Variants in PPP2R2C observed in about 807,000 individuals in gnomAD.
The protein encoded by PPP2R2C is protein phosphatase 2, regulatory subunit B, gamma.
In PPP2R2C, 10 loss-of-function variants were observed where a neutral mutation model predicts 45.3. The ratio of observed to expected loss-of-function variants is 0.22; its 90% CI spans 0.14 to 0.37. PPP2R2C has a LOEUF of 0.37. PPP2R2C is among the 10% of genes least tolerant of loss of function. The pLI is 1.00. For synonymous variants in PPP2R2C, 257 were observed against 245.4 expected (o/e 1.05, Z -0.44); for missense variants, 308 against 619.7 (o/e 0.50, Z 5.34).
At chr4:6,383,320 C>T in intron 1 of PPP2R2C, 1 of 1,283,684 alleles carries the variant, frequency 7.8e-7, no homozygotes, top group South Asian at 1.3e-5. Flanking sequence ...GCCCAGACCA[C>T]AGAATCGCAG....
At chr4:6,561,497 G>T (rs933948938) in intron 1 of PPP2R2C, among the ~76,000 whole-genome samples, 4 of 152,094 alleles carry the variant, frequency 2.6e-5, no homozygotes, top group African/African-American at 9.7e-5. Context: ...GGGAGGACTT[G>T]CACCTTTTAC....
intron 1 of PPP2R2C, among the ~76,000 whole-genome samples, chr4:6,549,649 C>T (rs924716453): frequency 6.6e-6 from 1 of 152,348 alleles, no homozygotes; most frequent in Middle Eastern, 3.4e-3. Flanking sequence ...TCTGATGACA[C>T]CTGCTGGCTG....
intron 1 of PPP2R2C, among the ~76,000 whole-genome samples, chr4:6,423,986 G>C (rs921077921): frequency 6.6e-6 from 1 of 152,252 alleles, no homozygotes; most frequent in Non-Finnish European, 1.5e-5. Context: ...CCACCTGGCT[G>C]TCCTGGGGCC....
chr4:6,511,429 A>AGG, intron 2 of PPP2R2C, among the ~76,000 whole-genome samples: 1 of 77,746 alleles, frequency 1.3e-5, no homozygotes, highest in East Asian at 3.7e-4. Context: ...GATGGTGGTG[A>AGG]TGGTGGTGGT....
chr4:6,384,425 A>G lies in PPP2R2C; in HGVS notation c.71-3331T>C, dbSNP rs887456341. 5 of 984,638 alleles carry G rather than the reference A, an allele frequency of 5.1e-6. No individual in the cohort carries two copies. In the South Asian group the frequency reaches 1.9e-4, roughly 37 times the overall value. 61.0% of individuals were successfully genotyped at this position (984,638 alleles called of 1,614,324 possible). ...GCTTTAGGGTAGCTGGAACAAAATA[A>G]TATTTCCTCCTCTTTCAACTTGTCC... On this transcript the variant is annotated intron_variant, in intron 1 of 8. Coordinates refer to ENST00000382599, the MANE Select transcript of PPP2R2C (RefSeq NM_020416.4).
chr4:6,375,262 G>A (rs777411037), intron 4 of PPP2R2C, among the ~76,000 whole-genome samples: 4 of 152,186 alleles, frequency 2.6e-5, no homozygotes, highest in Non-Finnish European at 4.4e-5. Flanking sequence ...TTCTTCTCAG[G>A]AAGAGCACTG....
At position 6,471,162 on chromosome 4, in the gene PPP2R2C, G is replaced by A. The variant is rs1279245345; in HGVS notation, c.70+998C>T. Among the ~76,000 whole-genome samples the A allele has an allele frequency of 6.6e-6, 1 of 152,182 alleles. No homozygotes were observed. Among genetic ancestry groups the A allele is most frequent in the Admixed American group, 6.5e-5 (1 of 15,290 alleles). ...CGTGCCCAGGGCCCCTCCCACTGGGGCACCCACCCGGGGAATCCGCGCACA... is the reference window on the plus strand; with the variant it reads ...CGTGCCCAGGGCCCCTCCCACTGGGACACCCACCCGGGGAATCCGCGCACA... On this transcript the variant is annotated intron_variant, in intron 1 of 8. Coordinates refer to ENST00000382599, the MANE Select transcript of PPP2R2C (RefSeq NM_020416.4). This position sits in a 1 kb window ranked among gnomAD's most constrained non-coding sequence, Gnocchi z 5.6.
chr4:6,335,909 G>A (rs889297681), intron 6 of PPP2R2C, among the ~76,000 whole-genome samples: 3 of 152,094 alleles, frequency 2.0e-5, no homozygotes, highest in African/African-American at 4.8e-5. Flanking sequence ...GCAGACCCCT[G>A]AAGCTCAGGA....
At chr4:6,362,673 G>C (rs1713897924) in intron 5 of PPP2R2C, among the ~76,000 whole-genome samples, 1 of 152,186 alleles carries the variant, frequency 6.6e-6, no homozygotes, top group Non-Finnish European at 1.5e-5. Flanking sequence ...TGCTGAGTTG[G>C]GACAGTGACA....
chr4:6,505,391 A>G (rs1246121740), intron 2 of PPP2R2C, among the ~76,000 whole-genome samples: 1 of 152,244 alleles, frequency 6.6e-6, no homozygotes, highest in Non-Finnish European at 1.5e-5. Context: ...ATAAAAGACC[A>G]TTCAATACAT....
intron 1 of PPP2R2C, among the ~76,000 whole-genome samples, chr4:6,556,568 A>G (rs1006128344): frequency 6.6e-6 from 1 of 152,084 alleles, no homozygotes; most frequent in Admixed American, 6.5e-5. Flanking sequence ...AACCCTGACT[A>G]CTACAGGGCA....
upstream of PPP2R2C, among the ~76,000 whole-genome samples, chr4:6,473,937 G>A (rs1204613407): frequency 6.6e-6 from 1 of 152,198 alleles, no homozygotes; most frequent in African/African-American, 2.4e-5. Flanking sequence ...GGGCTGGCCT[G>A]GGGAGAGGCC....
intron 2 of PPP2R2C, chr4:6,535,165 C>T (rs1446672501): frequency 1.6e-5 from 21 of 1,298,750 alleles, no homozygotes; most frequent in Admixed American, 2.0e-5. Flanking sequence ...ACGGTGGGGT[C>T]GGCTTCCCGC....
chr4:6,434,088 C>A (rs1719763064), intron 1 of PPP2R2C, among the ~76,000 whole-genome samples: 3 of 152,176 alleles, frequency 2.0e-5, no homozygotes, highest in Admixed American at 2.0e-4. Context: ...TCATAAGATA[C>A]CATGTTTTAA....
At chr4:6,442,140 G>T (rs1720187746) in intron 1 of PPP2R2C, among the ~76,000 whole-genome samples, 1 of 152,224 alleles carries the variant, frequency 6.6e-6, no homozygotes, top group Non-Finnish European at 1.5e-5. Flanking sequence ...CCCAGGATGA[G>T]GACTCTGTGG....
rs181114080 is a variant in PPP2R2C at position 6,500,149 on chromosome 4, T to G, written c.49+35122A>C. 2.1e-3 allele frequency among the ~76,000 whole-genome samples: 315 copies of G among 152,266 alleles called. No homozygotes were observed. The Middle Eastern group carries it at 0.024, about 12-fold the overall frequency. ...ATTGCAGTGGCAGAAGGTATTTTAT[T>G]TATTTATTTATTTTTGAGACAGAGT... On this transcript the variant is annotated intron_variant, in intron 2 of 9. Coordinates refer to the PPP2R2C transcript ENST00000506140.
chr4:6,471,671 T>G lies in PPP2R2C; in HGVS notation c.70+489A>C. The G allele has an allele frequency of 6.6e-6, 1 of 152,010 alleles. No homozygotes were observed. The highest frequency in any genetic ancestry group is 1.5e-5 in the Non-Finnish European group (1 of 68,314). The allele number at this position is 152,010 out of a possible 1,614,324, so 9.4% of individuals were successfully genotyped here. A position where few individuals can be genotyped will look rare whatever the true frequency, so the allele number is the denominator to read the frequency against. On this transcript the variant is annotated intron_variant, in intron 1 of 8. Coordinates refer to ENST00000382599, the MANE Select transcript of PPP2R2C (RefSeq NM_020416.4). The surrounding 1 kb of genome is among the most constrained non-coding windows in gnomAD (Gnocchi z 5.6). ...CGGGCAGGCGGGCCTCCCAGGAGGA[T>G]CTGGCAATGGATTATGTTTTTTTCC...
intron 1 of PPP2R2C, among the ~76,000 whole-genome samples, chr4:6,450,297 G>A (rs951613690): frequency 4.6e-5 from 7 of 152,170 alleles, no homozygotes; most frequent in East Asian, 1.9e-4. Context: ...GGTATCTGGC[G>A]TCTCCTCCAG....
At chr4:6,448,526 C>T (rs1720556097) in intron 1 of PPP2R2C, among the ~76,000 whole-genome samples, 1 of 152,144 alleles carries the variant, frequency 6.6e-6, no homozygotes, top group South Asian at 2.1e-4. Flanking sequence ...AAACCACTAC[C>T]ATGCATCACT....
Sources: allele counts gnomAD v4.1 joint callset (sites outside exome capture counted in the v4.1 genomes callset), GRCh38; gene constraint gnomAD v4.1.1; non-coding constraint Gnocchi (gnomAD v3.1); transcripts MANE v1.5; gene names NCBI Gene and HGNC (gene_info 2026-07-23, HGNC 2026-07-21).